Variants in AGAP1 observed in about 807,000 individuals in gnomAD.
The protein encoded by AGAP1 is arf-GAP with GTPase, ANK repeat and PH domain-containing protein 1.
In AGAP1, 29 loss-of-function variants were observed where a neutral mutation model predicts 105.3. That is an observed-to-expected ratio of 0.28 (90% CI 0.21 to 0.38). AGAP1 has a LOEUF of 0.38. AGAP1 is among the 10% of genes least tolerant of loss of function. The probability of loss-of-function intolerance (pLI) is 1.00; values close to 1 mark genes in which losing one functional copy is unlikely to be tolerated. For missense variants in AGAP1, 998 were observed against 1,165.1 expected, an observed-to-expected ratio of 0.86 and a Z score of 2.09; for synonymous variants, 509 against 485.9, an observed-to-expected ratio of 1.05 and a Z score of -0.63.
chr2:236,099,509 G>A (rs566839556), intron 16 of AGAP1, among the ~76,000 whole-genome samples: 1 of 152,068 alleles, frequency 6.6e-6, no homozygotes, highest in East Asian at 1.9e-4. Flanking sequence ...CAGCATTCAG[G>A]ACATTAAATA....
intron 15 of AGAP1, among the ~76,000 whole-genome samples, chr2:236,043,103 C>A (rs372731159): frequency 1.7e-3 from 264 of 152,320 alleles, no homozygotes; most frequent in Middle Eastern, 6.8e-3. Context: ...AGCACATTGG[C>A]AAGGATTTGT....
rs1576127917 is a variant in AGAP1 at position 236,035,884 on chromosome 2, C to T, written c.1646-677C>T. Among the ~76,000 whole-genome samples the T allele has an allele frequency of 1.3e-5, 2 of 152,072 alleles. No homozygotes were observed. The highest frequency in any genetic ancestry group is 2.9e-5 in the Non-Finnish European group (2 of 68,024). ...TAGAAAAAATGAACCTCAGGGGAGT[C>T]CAGGAACTTGCCCAAAGACTTAGAT... is the stretch of plus-strand genomic sequence containing the variant. On this transcript the variant is annotated intron_variant, in intron 13 of 17. Transcript: ENST00000304032. This position sits in a 1 kb window ranked among gnomAD's most constrained non-coding sequence, Gnocchi z 4.2.
At chr2:235,868,823 C>T (rs920675442) in intron 9 of AGAP1, among the ~76,000 whole-genome samples, 1 of 152,160 alleles carries the variant, frequency 6.6e-6, no homozygotes, top group Non-Finnish European at 1.5e-5. Context: ...CTTAACATTG[C>T]TTTTGGCTTT....
intron 1 of AGAP1, chr2:235,670,276 C>T (rs1948315194): frequency 4.5e-6 from 2 of 446,118 alleles, no homozygotes; most frequent in African/African-American, 2.1e-5. Context: ...GGCCCCGGCC[C>T]GCGCGCTCCC....
chr2:235,579,857 T>G (rs2149185876), intron 1 of AGAP1, among the ~76,000 whole-genome samples: 1 of 152,186 alleles, frequency 6.6e-6, no homozygotes, highest in Middle Eastern at 3.4e-3. Flanking sequence ...CAAAACAATT[T>G]CATCACCCCC....
intron 10 of AGAP1, among the ~76,000 whole-genome samples, chr2:235,896,357 C>G (rs2124957257): frequency 6.6e-6 from 1 of 152,346 alleles, no homozygotes; most frequent in Middle Eastern, 3.4e-3. Flanking sequence ...TGGACACTTG[C>G]TTTCACCTCT....
Position 235,994,217 on chromosome 2 carries a change from A to G in AGAP1, c.1645+25594A>G, listed in dbSNP as rs113426994. On this transcript the variant is annotated intron_variant, in intron 13 of 17. Coordinates refer to ENST00000304032, the MANE Select transcript of AGAP1 (RefSeq NM_001037131.3). The surrounding 1 kb of genome is among the most constrained non-coding windows in gnomAD (Gnocchi z 4.4). ...CGTTTCATACTCTCATTTTGGCAAG[A>G]CACCTTCGTCTTAGAGTGCCTACAT... 1.3e-5 allele frequency among the ~76,000 whole-genome samples: 2 copies of G among 152,226 alleles called. No homozygotes were observed. The highest frequency in any genetic ancestry group is 4.8e-5 in the African/African-American group (2 of 41,530).
chr2:235,962,462 C>A lies in AGAP1; in HGVS notation c.1484-6000C>A, dbSNP rs938758331. On this transcript the variant is annotated intron_variant, in intron 12 of 17. Transcript: ENST00000304032. This position sits in a 1 kb window ranked among gnomAD's most constrained non-coding sequence, Gnocchi z 5.3. ...AACCGTGGGATGTGAGCGGGTTGGA[C>A]GTCAGATGGCATGGAACTCAGGGCA... Among the ~76,000 whole-genome samples, 1 of 151,866 alleles carries A rather than the reference C, an allele frequency of 6.6e-6. No individual in the cohort carries two copies. Among genetic ancestry groups the A allele is most frequent in the Non-Finnish European group, 1.5e-5 (1 of 67,996 alleles).
At position 236,075,830 on chromosome 2, in the gene AGAP1, T is replaced by C. The variant is rs2058623023; in HGVS notation, c.2114+26549T>C. Among the ~76,000 whole-genome samples, 3 of 152,306 alleles carry C rather than the reference T, an allele frequency of 2.0e-5. No homozygotes were observed. In the South Asian group the frequency reaches 6.2e-4, roughly 32 times the overall value. On this transcript the variant is annotated intron_variant, in intron 16 of 17. Coordinates refer to ENST00000304032, the MANE Select transcript of AGAP1 (RefSeq NM_001037131.3). ...GCCGCCATTGATTCTAGCTTTGGAATCTGTGGCCAAATAGGTGACTCAATC... is the reference window on the plus strand; with the variant it reads ...GCCGCCATTGATTCTAGCTTTGGAACCTGTGGCCAAATAGGTGACTCAATC...
Position 235,604,829 on chromosome 2 carries a change from G to A in AGAP1, c.164-104350G>A, listed in dbSNP as rs370194141. Among the ~76,000 whole-genome samples, 1,022 of 151,384 alleles carry A rather than the reference G, an allele frequency of 6.8e-3. 13 individuals are homozygous for A. Among genetic ancestry groups the A allele is most frequent in the African/African-American group, 0.023 (945 of 41,272 alleles). ...GATCTCCTGACCTCGTGATCTGCCC[G>A]CCTCTTCCTCCCAAAGTGCTGGGAT... On this transcript the variant is annotated intron_variant, in intron 1 of 17. Coordinates refer to ENST00000304032, the MANE Select transcript of AGAP1 (RefSeq NM_001037131.3).
In AGAP1 at chr2:235,514,474, C is replaced by A. The variant is rs73118456; in HGVS notation, c.163+19625C>A. On this transcript the variant is annotated intron_variant, in intron 1 of 17. Transcript: ENST00000304032. ...GCCTGGTCTCACCCCACCTGTGGCA[C>A]CTTCGCTGTGGAGGATACCGTCAGC... Among the ~76,000 whole-genome samples, 511 of 152,378 alleles carry A rather than the reference C, an allele frequency of 3.4e-3. 2 individuals are homozygous for A. The highest frequency in any genetic ancestry group is 0.012 in the African/African-American group (488 of 41,588).
chr2:235,670,724 A>C, intron 1 of AGAP1: 1 of 830,560 alleles, frequency 1.2e-6, no homozygotes, highest in South Asian at 1.5e-5. Context: ...GGAGAAGCGC[A>C]ACACCCTGGA....
intron 1 of AGAP1, among the ~76,000 whole-genome samples, chr2:235,648,832 C>T (rs576357559): frequency 2.1e-4 from 32 of 151,456 alleles, no homozygotes; most frequent in South Asian, 6.3e-4. Context: ...GGTTGCAGTG[C>T]GCCGAGATCG....
chr2:235,543,839 T>C (rs765040685), intron 1 of AGAP1, among the ~76,000 whole-genome samples: 2 of 152,116 alleles, frequency 1.3e-5, no homozygotes, highest in Admixed American at 6.5e-5. Context: ...GGCTGTACTT[T>C]GGGGTATCCA....
chr2:235,547,660 A>G (rs1484172336), intron 1 of AGAP1, among the ~76,000 whole-genome samples: 1 of 152,034 alleles, frequency 6.6e-6, no homozygotes, highest in Non-Finnish European at 1.5e-5. Flanking sequence ...CGCTCAACTA[A>G]TTTTTGTATT....
chr2:235,743,929 C>T (rs1952735767), intron 4 of AGAP1, among the ~76,000 whole-genome samples: 1 of 152,198 alleles, frequency 6.6e-6, no homozygotes, highest in African/African-American at 2.4e-5. Flanking sequence ...TCCAGTTTTC[C>T]AAGATGGCTG....
At chr2:235,784,093 T>C (rs1956456940) in intron 6 of AGAP1, among the ~76,000 whole-genome samples, 1 of 152,200 alleles carries the variant, frequency 6.6e-6, no homozygotes, top group Admixed American at 6.5e-5. Flanking sequence ...TTTCAAATTT[T>C]TTTTGTATGC....
At position 235,586,193 on chromosome 2, in the gene AGAP1, G is replaced by A. The variant is rs956240242; in HGVS notation, c.163+91344G>A. Among the ~76,000 whole-genome samples, 6 of 152,130 alleles carry A rather than the reference G, an allele frequency of 3.9e-5. No individual in the cohort carries two copies. Among genetic ancestry groups the A allele is most frequent in the Admixed American group, 3.9e-4 (6 of 15,266 alleles). ...AGTCAACACTACCTTGTGTGTGTGC[G>A]CATACACACAAAGAGGGTGAGCCCT... On this transcript the variant is annotated intron_variant, in intron 1 of 17. Coordinates refer to ENST00000304032, the MANE Select transcript of AGAP1 (RefSeq NM_001037131.3). This position sits in a 1 kb window ranked among gnomAD's most constrained non-coding sequence, Gnocchi z 4.2.
chr2:236,105,907 CTCT>C lies in AGAP1; in HGVS notation c.2115-14280_2115-14278del, dbSNP rs1206193472. Among the ~76,000 whole-genome samples the C allele has an allele frequency of 1.3e-5, 2 of 152,138 alleles. No homozygotes were observed. The highest frequency in any genetic ancestry group is 1.3e-4 in the Admixed American group (2 of 15,274). ...CCATCGTGCCCGGCCCCTCTTGTGC[CTCT>C]TCTTATAAGAGTGAGAATCCCATTC... On this transcript the variant is annotated intron_variant, in intron 16 of 17. Coordinates refer to ENST00000304032, the MANE Select transcript of AGAP1 (RefSeq NM_001037131.3). This position sits in a 1 kb window ranked among gnomAD's most constrained non-coding sequence, Gnocchi z 4.2.
Sources: gnomAD v4.1 joint callset for allele counts (sites outside exome capture counted in the v4.1 genomes callset) on GRCh38, gnomAD v4.1.1 for gene constraint, Gnocchi (gnomAD v3.1) non-coding constraint, MANE v1.5 for transcripts, NCBI Gene and HGNC (gene_info 2026-07-23, HGNC 2026-07-21) for gene names.